Variants in TRDN observed in about 807,000 individuals in gnomAD.
TRDN encodes triadin.
In TRDN, 161 loss-of-function variants were observed where a neutral mutation model predicts 149.7. The ratio of observed to expected loss-of-function variants is 1.08; its 90% confidence interval spans 0.95 to 1.23. The LOEUF is 1.23. Ranked by LOEUF, TRDN falls within the 50% of genes most tolerant of loss-of-function variation. TRDN has a pLI of 0.00. For missense variants in TRDN, 896 were observed against 823.5 expected, an observed-to-expected ratio of 1.09 and a Z score of -1.08; for synonymous variants, 294 against 250.5, an observed-to-expected ratio of 1.17 and a Z score of -1.64.
rs1484851251 is a variant in TRDN at position 123,269,892 on chromosome 6, G to A, written c.1721-26C>T. On this transcript the variant is annotated intron_variant, in intron 30 of 40. Coordinates refer to ENST00000334268, the MANE Select transcript of TRDN (RefSeq NM_006073.4). The stretch of plus-strand genomic sequence containing the variant: ...CTGTGGAGAATGGAGGCAAGCACAT[G>A]GCATATTGATGAGTACAAACCATGG... 3.1e-6 allele frequency: 5 copies of A among 1,608,070 alleles called. No homozygotes were observed. The South Asian group carries it at 4.4e-5, about 14-fold the overall frequency.
chr6:123,615,008 C>T (rs1457426201), intron 1 of TRDN, among the ~76,000 whole-genome samples: 2 of 151,926 alleles, frequency 1.3e-5, no homozygotes, highest in East Asian at 1.9e-4. Context: ...GAATAGACAT[C>T]GCTCAAAAGA....
intron 1 of TRDN, among the ~76,000 whole-genome samples, chr6:123,592,923 A>G (rs1783853315): frequency 6.6e-6 from 1 of 152,156 alleles, no homozygotes; most frequent in South Asian, 2.1e-4. Flanking sequence ...TTGCATAAAA[A>G]TCACTTTCTT....
intron 2 of TRDN, among the ~76,000 whole-genome samples, chr6:123,562,338 G>T (rs962015482): frequency 1.3e-4 from 20 of 152,186 alleles, no homozygotes; most frequent in South Asian, 2.1e-4. Context: ...CTCTTCACAT[G>T]GACATGAGTA....
intron 10 of TRDN, chr6:123,456,869 G>A (rs1481810813): frequency 3.1e-5 from 14 of 455,820 alleles, no homozygotes; most frequent in Non-Finnish European, 5.3e-5. Flanking sequence ...AAAGGATGAC[G>A]CCATTTGGAA....
At chr6:123,254,735 T>C (rs1419624086) in intron 37 of TRDN, among the ~76,000 whole-genome samples, 1 of 152,018 alleles carries the variant, frequency 6.6e-6, no homozygotes, top group Non-Finnish European at 1.5e-5. Flanking sequence ...TGTTATTTAG[T>C]GATAGATAAA....
chr6:123,433,142 A>AT (rs1562310380), intron 12 of TRDN, among the ~76,000 whole-genome samples: 1 of 29,034 alleles, frequency 3.4e-5, no homozygotes, highest in African/African-American at 1.2e-4. Flanking sequence ...CACACATCAT[A>AT]AATATATATA....
chr6:123,264,677 G>GAA (rs1776879579), intron 33 of TRDN, among the ~76,000 whole-genome samples: 2 of 104,172 alleles, frequency 1.9e-5, no homozygotes, highest in African/African-American at 7.4e-5. Flanking sequence ...TCTTTTGTCA[G>GAA]TCAATCAATG....
chr6:123,590,213 A>T (rs1177625075), intron 1 of TRDN, among the ~76,000 whole-genome samples: 1 of 152,078 alleles, frequency 6.6e-6, no homozygotes, highest in African/African-American at 2.4e-5. Context: ...GGCTTGCATT[A>T]CCGCCTGAGC....
chr6:123,564,836 T>C (rs778255378), intron 2 of TRDN, among the ~76,000 whole-genome samples: 1 of 152,210 alleles, frequency 6.6e-6, no homozygotes, highest in African/African-American at 2.4e-5. Flanking sequence ...GAAATAAGTA[T>C]ATTTTGTGGA....
chr6:123,320,296 T>C (rs1423942897), intron 23 of TRDN, among the ~76,000 whole-genome samples: 1 of 151,626 alleles, frequency 6.6e-6, no homozygotes, highest in East Asian at 1.9e-4. Context: ...ATGTTATCTA[T>C]ATTTTATTGA....
rs781233223 is a variant in TRDN at position 123,503,861 on chromosome 6, C to T, written c.651G>A (p.Lys217=). Residue 217 remains lysine, a synonymous_variant, in exon 8 of 41, where the codon AAG becomes AAA. Coordinates refer to ENST00000334268, the MANE Select transcript of TRDN (RefSeq NM_006073.4). ...TTCCACCTTTCACTTCCTTTTTAGT[C>T]TTTTCTTCACTCTTTTCTGCAGTCT... ...KAKTAEKSEE[K]TKKEVKGGKQ... is the part of the protein sequence containing the mutation. 7 of 1,585,038 alleles carry T rather than the reference C, an allele frequency of 4.4e-6. No individual in the cohort carries two copies. Among genetic ancestry groups the T allele is most frequent in the Non-Finnish European group, 5.2e-6 (6 of 1,164,006 alleles).
intron 1 of TRDN, among the ~76,000 whole-genome samples, chr6:123,604,808 A>G (rs572787839): frequency 6.9e-6 from 1 of 145,804 alleles, no homozygotes; most frequent in African/African-American, 2.5e-5. Context: ...TTAGTGTTCT[A>G]TTTCTAGAAA....
intron 26 of TRDN, 85 bp from the exon 27 acceptor site, chr6:123,274,755 T>C: frequency 7.6e-7 from 1 of 1,322,178 alleles, no homozygotes; most frequent in South Asian, 1.3e-5. Flanking sequence ...TTTTATTTGG[T>C]TATCATAATT....
chr6:123,460,234 TAG>T (rs1776369965), intron 10 of TRDN, among the ~76,000 whole-genome samples: 1 of 152,184 alleles, frequency 6.6e-6, no homozygotes, highest in Non-Finnish European at 1.5e-5. Flanking sequence ...AAAATTATAT[TAG>T]AGTTTTATGT....
At chr6:123,557,355 A>C (rs147619654) in intron 2 of TRDN, among the ~76,000 whole-genome samples, 2,444 of 152,166 alleles carry the variant, frequency 0.016, 32 homozygotes, top group South Asian at 0.048. Flanking sequence ...ATCCACCTGC[A>C]ACCTCTGGTC....
chr6:123,564,028 G>C (rs1237763096), intron 2 of TRDN, among the ~76,000 whole-genome samples: 1 of 152,072 alleles, frequency 6.6e-6, no homozygotes, highest in Non-Finnish European at 1.5e-5. Flanking sequence ...TATAATCTAA[G>C]AATTAAGAAC....
At chr6:123,508,689 A>G (rs994764774) in intron 7 of TRDN, among the ~76,000 whole-genome samples, 1 of 151,908 alleles carries the variant, frequency 6.6e-6, no homozygotes, top group African/African-American at 2.4e-5. Flanking sequence ...TTAAAGGTCT[A>G]CTCTTCCCCA....
Position 123,259,805 on chromosome 6 carries a change from T to C in TRDN, c.1832-143A>G, listed in dbSNP as rs1437457750. Reference sequence around the variant, plus strand: ...TCTCTCATTTCATTTTTGTTATGCTTGGTCATTCTGTTTATGTAGTCACCT... The same window carrying C: ...TCTCTCATTTCATTTTTGTTATGCTCGGTCATTCTGTTTATGTAGTCACCT... On this transcript the variant is annotated intron_variant, in intron 34 of 40. Coordinates refer to ENST00000334268, the MANE Select transcript of TRDN (RefSeq NM_006073.4). 10 of 605,318 alleles carry C rather than the reference T, an allele frequency of 1.7e-5. No homozygotes were observed. The East Asian group carries it at 2.9e-4, about 18-fold the overall frequency. 37.5% of individuals were successfully genotyped at this position (605,318 alleles called of 1,614,324 possible).
chr6:123,272,929 G>T, intron 29 of TRDN, 35 bp downstream of exon 29: 1 of 1,436,814 alleles, frequency 7.0e-7, no homozygotes, highest in Non-Finnish European at 9.4e-7. Flanking sequence ...ACATTGAGAG[G>T]TTATTTGAGA....
Sources: allele counts gnomAD v4.1 joint callset (sites outside exome capture counted in the v4.1 genomes callset), GRCh38; gene constraint gnomAD v4.1.1; transcripts MANE v1.5; gene names NCBI Gene and HGNC (gene_info 2026-07-23, HGNC 2026-07-21).